The following PCDH11X variants were observed in gnomAD, a reference collection of about 807,000 sequenced individuals.
The protein encoded by PCDH11X is protocadherin-11 X-linked.
A neutral mutation model predicts 53.3 loss-of-function variants in PCDH11X; 18 were observed. The observed-to-expected ratio is 0.34, with a 90% CI of 0.23 to 0.50. PCDH11X has a LOEUF of 0.50. PCDH11X is among the 20% of genes least tolerant of loss of function. The pLI, the probability that PCDH11X is intolerant of heterozygous loss-of-function variation, is 0.98. For synonymous variants in PCDH11X, 279 were observed against 393.3 expected (o/e 0.71, Z 3.44); for missense variants, 570 against 1,032.4 (o/e 0.55, Z 6.14).
chrX:91,908,750 A>T (rs1233420888), intron 6 of PCDH11X, among the ~76,000 whole-genome samples: 1 of 109,086 alleles, frequency 9.2e-6, no homozygotes, highest in Non-Finnish European at 1.9e-5. Flanking sequence ...GGTTGCAGTG[A>T]ACCAAGATCG....
intron 10 of PCDH11X, among the ~76,000 whole-genome samples, chrX:92,527,479 T>G (rs1179868556): frequency 4.5e-5 from 5 of 110,952 alleles, no homozygotes; most frequent in Non-Finnish European, 9.4e-5. Context: ...ATGAAGAATA[T>G]TTGAAATTAG....
intron 10 of PCDH11X, among the ~76,000 whole-genome samples, chrX:92,480,565 G>A (rs2073481443): frequency 9.1e-6 from 1 of 109,756 alleles, no homozygotes; most frequent in Admixed American, 9.7e-5. Context: ...TTTGGTTGTG[G>A]TACAAGCTTG....
At chrX:92,597,451 C>A (rs1241540671) in intron 10 of PCDH11X, among the ~76,000 whole-genome samples, 3 of 110,824 alleles carry the variant, frequency 2.7e-5, no homozygotes, top group African/African-American at 9.8e-5. Flanking sequence ...AACTAAATAC[C>A]TAAGAATTAA....
intron 4 of PCDH11X, among the ~76,000 whole-genome samples, chrX:91,812,937 ATT>A (rs1476797551): frequency 8.9e-6 from 1 of 111,894 alleles, no homozygotes; most frequent in Admixed American, 9.6e-5. Context: ...TAGCTTAATC[ATT>A]GACAGTTTAA....
chrX:92,053,555 A>T (rs1363847666), intron 6 of PCDH11X, among the ~76,000 whole-genome samples: 1 of 102,088 alleles, frequency 9.8e-6, no homozygotes, highest in Non-Finnish European at 1.9e-5. Flanking sequence ...GCAGCGGAAG[A>T]ACCGACATTG....
rs779299402 is a variant in PCDH11X at position 92,201,393 on chromosome X, C to A, written c.3052C>A (p.Arg1018=). Reference sequence around the variant, plus strand: ...TCTAAAGCCAATGAAGGAGGTTGTGCGATCTTGCACCCCCATGAAAGAGTC... The same window carrying A: ...TCTAAAGCCAATGAAGGAGGTTGTGAGATCTTGCACCCCCATGAAAGAGTC... ...HTRPPMKEVV[R]SCTPMKESTT... The change falls in exon 7 of 11, where the codon CGA becomes AGA. Residue 1018 remains arginine, a synonymous_variant. Transcript: ENST00000682573. 5.0e-6 allele frequency: 6 copies of A among 1,199,918 alleles called. No homozygotes were observed. The highest frequency in any genetic ancestry group is 6.8e-6 in the Non-Finnish European group (6 of 888,858).
chrX:91,911,635 C>T (rs1445045086), intron 6 of PCDH11X, among the ~76,000 whole-genome samples: 8 of 110,492 alleles, frequency 7.2e-5, no homozygotes, highest in Non-Finnish European at 3.8e-5. Context: ...CCCTTCCAGC[C>T]TCTGGTAACC....
chrX:91,815,276 A>G (rs1936417063), intron 4 of PCDH11X, among the ~76,000 whole-genome samples: 1 of 112,131 alleles, frequency 8.9e-6, no homozygotes, highest in Admixed American at 9.5e-5. Flanking sequence ...TAGGGTATAA[A>G]AACATTTTTT....
intron 6 of PCDH11X, among the ~76,000 whole-genome samples, chrX:92,176,524 A>G (rs1454514525): frequency 8.9e-6 from 1 of 112,184 alleles, no homozygotes; most frequent in Admixed American, 9.5e-5. Context: ...TGTCAATTTT[A>G]TACGTTAACC....
chrX:92,528,301 T>A (rs1318070833), intron 10 of PCDH11X, among the ~76,000 whole-genome samples: 1 of 112,361 alleles, frequency 8.9e-6, no homozygotes, highest in Admixed American at 9.5e-5. Context: ...TTTATTTATT[T>A]ATTTTTTTGA....
intron 1 of PCDH11X, among the ~76,000 whole-genome samples, chrX:91,787,169 A>C (rs915267832): frequency 9.4e-6 from 1 of 106,740 alleles, no homozygotes; most frequent in African/African-American, 3.4e-5. Context: ...AGTTTACTTA[A>C]TGTAGCAAAT....
chrX:92,357,119 CTTT>C (rs11328192), intron 8 of PCDH11X, among the ~76,000 whole-genome samples: 11 of 87,446 alleles, frequency 1.3e-4, no homozygotes, highest in African/African-American at 3.9e-4. Flanking sequence ...CAAGGCCTCA[CTTT>C]TTTTTTTTAA....
At chrX:92,568,510 A>G (rs1189080903) in intron 10 of PCDH11X, among the ~76,000 whole-genome samples, 3 of 108,760 alleles carry the variant, frequency 2.8e-5, no homozygotes, top group Non-Finnish European at 5.7e-5. Flanking sequence ...CAATAAAGCA[A>G]ATTTCTCTAC....
intron 10 of PCDH11X, among the ~76,000 whole-genome samples, chrX:92,519,496 A>C (rs1243345457): frequency 2.8e-5 from 3 of 106,609 alleles, no homozygotes; most frequent in African/African-American, 1.0e-4. Context: ...GCTCAAGATA[A>C]AAATATATCA....
chrX:92,336,462 T>A lies in PCDH11X; in HGVS notation c.3145-51273T>A, dbSNP rs972035897. Among the ~76,000 whole-genome samples, 5 of 112,160 alleles carry A rather than the reference T, an allele frequency of 4.5e-5. No homozygotes were observed. In the Admixed American group the frequency reaches 4.7e-4, roughly 11 times the overall value. Reference sequence around the variant, plus strand: ...ATATATGTGAAAAATATAGTCAAAGTCTTTCATTAATAATTGATCATTCAC... The same window carrying A: ...ATATATGTGAAAAATATAGTCAAAGACTTTCATTAATAATTGATCATTCAC... On this transcript the variant is annotated intron_variant, in intron 8 of 10. Transcript: ENST00000682573.
At chrX:92,546,573 A>C (rs2074859315) in intron 10 of PCDH11X, among the ~76,000 whole-genome samples, 2 of 111,082 alleles carry the variant, frequency 1.8e-5, no homozygotes, top group South Asian at 7.6e-4. Flanking sequence ...GTCATGCCAA[A>C]TTCCCCATTT....
intron 7 of PCDH11X, among the ~76,000 whole-genome samples, chrX:92,234,256 G>A (rs137989464): frequency 0.017 from 1,883 of 111,848 alleles, 32 homozygotes; most frequent in Non-Finnish European, 0.027. Flanking sequence ...TCTACAAGAA[G>A]ACTCTCACTA....
At chrX:91,884,213 G>A (rs937011000) in intron 6 of PCDH11X, among the ~76,000 whole-genome samples, 2,085 of 85,209 alleles carry the variant, frequency 0.024, 77 homozygotes, top group African/African-American at 0.08. Context: ...AAAAAAAAAA[G>A]AAAAAAAGTT....
intron 6 of PCDH11X, among the ~76,000 whole-genome samples, chrX:91,995,511 A>G (rs757046278): frequency 6.1e-4 from 68 of 111,262 alleles, no homozygotes; most frequent in African/African-American, 2.1e-3. Flanking sequence ...GGGTTTATTA[A>G]TGGACTCCAT....
Sources: gnomAD v4.1 joint callset for allele counts (sites outside exome capture counted in the v4.1 genomes callset) on GRCh38, gnomAD v4.1.1 for gene constraint, MANE v1.5 for transcripts, NCBI Gene and HGNC (gene_info 2026-07-23, HGNC 2026-07-21) for gene names.